Variants in DGKB observed in about 807,000 individuals in gnomAD.
DGKB encodes diacylglycerol kinase beta.
DGKB carries 67 observed loss-of-function variants against 114.3 expected under a neutral mutation model. That is an observed-to-expected ratio of 0.59 (90% CI 0.48 to 0.72). DGKB has a LOEUF of 0.72. Among genes scored for constraint, DGKB ranks in the 30% least tolerant of loss-of-function variants. DGKB has a pLI of 0.00. For missense variants in DGKB, 907 were observed against 975.2 expected, an observed-to-expected ratio of 0.93 and a Z score of 0.93; for synonymous variants, 398 against 323.1, an observed-to-expected ratio of 1.23 and a Z score of -2.49.
At chr7:14,498,591 A>G (rs1308669773) in intron 20 of DGKB, among the ~76,000 whole-genome samples, 1 of 151,806 alleles carries the variant, frequency 6.6e-6, no homozygotes, top group Non-Finnish European at 1.5e-5. Context: ...ATTAAAGTCA[A>G]TTGAAGGTAA....
chr7:14,284,252 A>C (rs1234591058), intron 23 of DGKB, among the ~76,000 whole-genome samples: 1 of 147,886 alleles, frequency 6.8e-6, no homozygotes, highest in African/African-American at 2.7e-5. Flanking sequence ...CAAAAAACAC[A>C]TGAAAAAATG....
intron 23 of DGKB, among the ~76,000 whole-genome samples, chr7:14,337,715 GACA>G (rs1324713982): frequency 6.6e-6 from 1 of 152,058 alleles, no homozygotes; most frequent in Admixed American, 6.6e-5. Context: ...ACTGAGCTGA[GACA>G]ACATGTTTTG....
chr7:14,493,623 G>C (rs1285248485), intron 20 of DGKB, among the ~76,000 whole-genome samples: 1 of 152,010 alleles, frequency 6.6e-6, no homozygotes, highest in South Asian at 2.1e-4. Context: ...CATATTCAAC[G>C]TGGATTCCCT....
chr7:14,604,524 A>G (rs1029706370), intron 17 of DGKB, among the ~76,000 whole-genome samples: 7 of 152,200 alleles, frequency 4.6e-5, no homozygotes, highest in African/African-American at 1.7e-4. Flanking sequence ...TGCATACTAT[A>G]CTTTCAAGAG....
At chr7:14,593,651 A>G in intron 17 of DGKB, among the ~76,000 whole-genome samples, 1 of 152,098 alleles carries the variant, frequency 6.6e-6, no homozygotes, top group Non-Finnish European at 1.5e-5. Context: ...TTTTTAAAGT[A>G]CATAAATTAA....
intron 19 of DGKB, among the ~76,000 whole-genome samples, chr7:14,576,217 T>A (rs1259457981): frequency 6.6e-6 from 1 of 152,130 alleles, no homozygotes. Flanking sequence ...TGTTAAGTAT[T>A]AATAATATGC....
At chr7:14,720,815 A>C (rs554846386) in intron 5 of DGKB, among the ~76,000 whole-genome samples, 6 of 152,078 alleles carry the variant, frequency 3.9e-5, no homozygotes, top group African/African-American at 1.4e-4. Flanking sequence ...TTATGAACCA[A>C]AGAAGGCAGG....
intron 1 of DGKB, among the ~76,000 whole-genome samples, chr7:14,958,195 T>A (rs1786624321): frequency 6.6e-6 from 1 of 152,082 alleles, no homozygotes; most frequent in Middle Eastern, 3.4e-3. Context: ...AACTCACACA[T>A]CTAACAGGTT....
At chr7:14,815,722 G>A (rs368439770) in intron 2 of DGKB, among the ~76,000 whole-genome samples, 6 of 152,078 alleles carry the variant, frequency 3.9e-5, no homozygotes, top group South Asian at 2.1e-4. Flanking sequence ...CCCACCAAGC[G>A]GGTTCAGAAC....
intron 16 of DGKB, among the ~76,000 whole-genome samples, chr7:14,608,259 C>T (rs1253291259): frequency 2.0e-5 from 3 of 151,884 alleles, no homozygotes; most frequent in Admixed American, 6.6e-5. Context: ...AGGCATTATT[C>T]CTGGGATAAA....
At position 14,146,521 on chromosome 7, in the gene DGKB, T is replaced by G. The variant is rs569098004; in HGVS notation, c.*2610A>C. ...TTGTAAAGCTAACAACATTCATCAT[T>G]CAATATTTTAATATACTATAGAATT... On this transcript the variant is annotated 3_prime_UTR_variant, in exon 26 of 26. Transcript: ENST00000402815. 6 of 152,296 alleles carry G rather than the reference T, an allele frequency of 3.9e-5. No individual in the cohort carries two copies. The South Asian group carries it at 1.2e-3, about 32-fold the overall frequency. 9.4% of individuals were successfully genotyped at this position (152,296 alleles called of 1,614,324 possible).
intron 21 of DGKB, among the ~76,000 whole-genome samples, chr7:14,385,840 A>C (rs911480229): frequency 3.9e-5 from 6 of 152,248 alleles, no homozygotes; most frequent in Admixed American, 2.6e-4. Flanking sequence ...AGTGAGTACA[A>C]ATAATATTTC....
At chr7:14,287,629 C>T (rs909303228) in intron 23 of DGKB, among the ~76,000 whole-genome samples, 1 of 152,054 alleles carries the variant, frequency 6.6e-6, no homozygotes, top group Non-Finnish European at 1.5e-5. Context: ...ATATTAGACC[C>T]TCAACAGGAA....
intron 13 of DGKB, among the ~76,000 whole-genome samples, chr7:14,645,183 A>G (rs530184755): frequency 6.6e-6 from 1 of 152,016 alleles, no homozygotes; most frequent in South Asian, 2.1e-4. Context: ...CAGACTCACA[A>G]ATGGCTACCT....
chr7:14,960,003 C>A lies in DGKB; in HGVS notation c.-188+14693G>T, dbSNP rs75200022. On this transcript the variant is annotated intron_variant, in intron 1 of 4. Coordinates refer to the DGKB transcript ENST00000437998. ...ATCACTTTTGCACAAAGCGGTCACACTGGCTGTATTTTTACAGGGAAGACA... is the reference window on the plus strand; with the variant it reads ...ATCACTTTTGCACAAAGCGGTCACAATGGCTGTATTTTTACAGGGAAGACA... Among the ~76,000 whole-genome samples, 1,028 of 152,114 alleles carry A rather than the reference C, an allele frequency of 6.8e-3. 17 individuals carry two copies. The highest frequency in any genetic ancestry group is 0.024 in the African/African-American group (986 of 41,536).
intron 6 of DGKB, among the ~76,000 whole-genome samples, chr7:14,702,750 T>C (rs1278241666): frequency 6.6e-6 from 1 of 152,212 alleles, no homozygotes; most frequent in Non-Finnish European, 1.5e-5. Flanking sequence ...AGCATAATTA[T>C]ATAATGACCC....
chr7:14,842,221 G>T (rs1212543574), intron 1 of DGKB, among the ~76,000 whole-genome samples: 1 of 152,174 alleles, frequency 6.6e-6, no homozygotes, highest in Non-Finnish European at 1.5e-5. Context: ...TCATTGCAAG[G>T]TTTATTTATA....
At chr7:14,543,299 C>G (rs1229537775) in intron 20 of DGKB, among the ~76,000 whole-genome samples, 1 of 151,828 alleles carries the variant, frequency 6.6e-6, no homozygotes, top group Non-Finnish European at 1.5e-5. Context: ...GAAAAATTAG[C>G]CAGGCATGGT....
chr7:14,170,776 T>C (rs1469727144), intron 25 of DGKB, among the ~76,000 whole-genome samples: 3 of 152,118 alleles, frequency 2.0e-5, no homozygotes, highest in Admixed American at 6.5e-5. Context: ...TTTAAAGTTA[T>C]GGTGGGATGT....
Sources: allele counts gnomAD v4.1 joint callset (sites outside exome capture counted in the v4.1 genomes callset), GRCh38; gene constraint gnomAD v4.1.1; transcripts MANE v1.5; gene names NCBI Gene and HGNC (gene_info 2026-07-23, HGNC 2026-07-21).